Variants in KALRN observed in about 807,000 individuals in gnomAD.
The protein encoded by KALRN is kalirin.
KALRN carries 70 observed loss-of-function variants against 353.7 expected under a neutral mutation model. The ratio of observed to expected loss-of-function variants is 0.20; its 90% CI spans 0.16 to 0.24. The LOEUF (loss-of-function observed/expected upper bound fraction) is 0.24, where lower values mean the gene tolerates loss of function less well. KALRN is among the 10% of genes least tolerant of loss of function. The pLI is 1.00. For missense variants in KALRN, 2,791 were observed against 3,756.7 expected, an observed-to-expected ratio of 0.74 and a Z score of 6.72; for synonymous variants, 1,391 against 1,434.8, an observed-to-expected ratio of 0.97 and a Z score of 0.69.
intron 3 of KALRN, among the ~76,000 whole-genome samples, chr3:124,262,824 T>C (rs1165117802): frequency 6.6e-6 from 1 of 152,228 alleles, no homozygotes; most frequent in Admixed American, 6.5e-5. Flanking sequence ...AAGCAACTGA[T>C]ATGTGGTAGG....
intron 1 of KALRN, among the ~76,000 whole-genome samples, chr3:124,193,269 T>C (rs1236049498): frequency 6.6e-6 from 1 of 152,114 alleles, no homozygotes; most frequent in Non-Finnish European, 1.5e-5. Flanking sequence ...TGGAGTATCC[T>C]TCCTCAGCCT....
chr3:124,406,120 AACTG>A (rs1372024487), intron 13 of KALRN, among the ~76,000 whole-genome samples: 2 of 152,268 alleles, frequency 1.3e-5, no homozygotes, highest in Non-Finnish European at 2.9e-5. Context: ...AAAAATTAAA[AACTG>A]ACTGGATTTC....
chr3:124,291,070 A>G (rs2076381377), intron 5 of KALRN, among the ~76,000 whole-genome samples: 1 of 152,214 alleles, frequency 6.6e-6, no homozygotes, highest in South Asian at 2.1e-4. Context: ...GAATGATAGA[A>G]GATGGGAACC....
intron 5 of KALRN, among the ~76,000 whole-genome samples, chr3:124,270,017 G>T (rs1284943003): frequency 2.0e-5 from 3 of 152,220 alleles, no homozygotes; most frequent in Non-Finnish European, 4.4e-5. Flanking sequence ...TCAGGGAAAA[G>T]TAAGATAAGA....
chr3:124,657,962 G>A (rs1467234024), intron 41 of KALRN, among the ~76,000 whole-genome samples, 159 bp downstream of exon 41: 2 of 152,098 alleles, frequency 1.3e-5, no homozygotes, highest in Admixed American at 1.3e-4. Context: ...AGACCAGCCT[G>A]GGCAACATAG....
At chr3:124,052,605 A>C (rs1251674350) in intron 1 of KALRN, among the ~76,000 whole-genome samples, 1 of 152,056 alleles carries the variant, frequency 6.6e-6, no homozygotes, top group Non-Finnish European at 1.5e-5. Context: ...AAATAGGGTA[A>C]ATTGCCATCT....
chr3:124,360,374 C>T (rs2083896411), intron 10 of KALRN, among the ~76,000 whole-genome samples: 1 of 152,178 alleles, frequency 6.6e-6, no homozygotes, highest in Non-Finnish European at 1.5e-5. Flanking sequence ...TGGAGCTGAG[C>T]CTGCCATGGG....
chr3:124,547,577 G>A (rs760729874), intron 33 of KALRN, among the ~76,000 whole-genome samples: 18 of 152,262 alleles, frequency 1.2e-4, no homozygotes, highest in Non-Finnish European at 2.2e-4. Flanking sequence ...AAGTGCTAGG[G>A]TTATAGGGCA....
intron 1 of KALRN, among the ~76,000 whole-genome samples, chr3:124,147,338 T>C (rs1379222389): frequency 6.6e-6 from 1 of 152,122 alleles, no homozygotes; most frequent in East Asian, 1.9e-4. Context: ...AGCAAGTGCT[T>C]ATGGAAGATA....
chr3:124,545,136 G>T (rs925179041), intron 33 of KALRN, among the ~76,000 whole-genome samples: 3 of 152,178 alleles, frequency 2.0e-5, no homozygotes, highest in Non-Finnish European at 4.4e-5. Context: ...TACCAGGAAG[G>T]TTCCCACAAT....
intron 1 of KALRN, chr3:124,163,682 C>G (rs748937649): frequency 3.4e-5 from 33 of 984,842 alleles, no homozygotes; most frequent in Non-Finnish European, 3.9e-5. Flanking sequence ...ATAAATATTA[C>G]AACAGGACAC....
chr3:124,481,207 T>C (rs1184596605), intron 27 of KALRN, among the ~76,000 whole-genome samples: 1 of 152,122 alleles, frequency 6.6e-6, no homozygotes, highest in African/African-American at 2.4e-5. Context: ...TGTTGTTTGT[T>C]TGTTTATTTG....
intron 1 of KALRN, among the ~76,000 whole-genome samples, chr3:124,160,894 CT>C (rs1415549028): frequency 6.6e-6 from 1 of 152,056 alleles, no homozygotes; most frequent in Non-Finnish European, 1.5e-5. Flanking sequence ...CCTTAAAATG[CT>C]GTATAATATT....
chr3:124,314,622 C>T (rs1379732427), intron 6 of KALRN, among the ~76,000 whole-genome samples: 1 of 152,096 alleles, frequency 6.6e-6, no homozygotes, highest in East Asian at 1.9e-4. Context: ...TAGATTTCTT[C>T]CACTCATACA....
chr3:124,095,109 G>A (rs906159700), intron 1 of KALRN, among the ~76,000 whole-genome samples: 7 of 152,110 alleles, frequency 4.6e-5, no homozygotes, highest in South Asian at 2.1e-4. Context: ...GCTGGGAATC[G>A]GGAGCACAGG....
chr3:124,435,199 T>G lies in KALRN; in HGVS notation c.3048+674T>G, dbSNP rs915741231. On this transcript the variant is annotated intron_variant, in intron 17 of 59. Coordinates refer to ENST00000682506, the MANE Select transcript of KALRN (RefSeq NM_001388419.1). ...TTGGGAGAGGAGAATGAATAGTTGCTGAACAATAATTAAATCTACCACAGT... is the reference window on the plus strand; with the variant it reads ...TTGGGAGAGGAGAATGAATAGTTGCGGAACAATAATTAAATCTACCACAGT... 2.7e-4 allele frequency among the ~76,000 whole-genome samples: 41 copies of G among 152,364 alleles called. 1 individual carries two copies. The highest frequency in any genetic ancestry group is 2.3e-3 in the Admixed American group (35 of 15,310).
At chr3:124,080,727 A>C (rs1178484309) in intron 1 of KALRN, among the ~76,000 whole-genome samples, 1 of 152,148 alleles carries the variant, frequency 6.6e-6, no homozygotes, top group East Asian at 1.9e-4. Context: ...ATATATGTTT[A>C]TTTTAAAATG....
At chr3:124,175,065 T>A (rs183982458) in intron 1 of KALRN, among the ~76,000 whole-genome samples, 1 of 152,240 alleles carries the variant, frequency 6.6e-6, no homozygotes, top group Admixed American at 6.5e-5. Flanking sequence ...AAAAAATTAA[T>A]GTGGAGGATG....
chr3:124,321,640 A>G (rs1206681905), intron 6 of KALRN, among the ~76,000 whole-genome samples: 1 of 152,230 alleles, frequency 6.6e-6, no homozygotes, highest in Non-Finnish European at 1.5e-5. Context: ...TGTGATCTCC[A>G]GTTAAGGACT....
Sources: allele counts gnomAD v4.1 joint callset (sites outside exome capture counted in the v4.1 genomes callset), GRCh38; gene constraint gnomAD v4.1.1; transcripts MANE v1.5; gene names NCBI Gene and HGNC (gene_info 2026-07-23, HGNC 2026-07-21).